The following CACNG7 variants were observed in gnomAD, a reference collection of about 807,000 sequenced individuals.
CACNG7 encodes voltage-dependent calcium channel gamma-7 subunit.
CACNG7 carries 9 observed loss-of-function variants against 26.3 expected under a neutral mutation model. The observed-to-expected ratio is 0.34, with a 90% confidence interval of 0.21 to 0.60. The LOEUF is 0.60. CACNG7 is among the 20% of genes least tolerant of loss of function. CACNG7 has a pLI of 0.81. For synonymous variants in CACNG7, 170 were observed against 157.0 expected (o/e 1.08, Z -0.62); for missense variants, 297 against 380.4 (o/e 0.78, Z 1.82).
chr19:53,913,301 A>G (rs2068872425), intron 2 of CACNG7, among the ~76,000 whole-genome samples: 1 of 151,802 alleles, frequency 6.6e-6, no homozygotes, highest in Non-Finnish European at 1.5e-5. Flanking sequence ...GCACAATTTC[A>G]GTGCTGAATG....
At chr19:53,921,830 T>TCTGGTCATTGGTGGAGTTGCCCCAGG (rs2068958412) in intron 4 of CACNG7, among the ~76,000 whole-genome samples, 1 of 83,478 alleles carries the variant, frequency 1.2e-5, no homozygotes, top group East Asian at 3.1e-4. Context: ...TTGCCCCAGG[T>TCTGGTCATTGGTGGAGTTGCCCCAGG]CTGGTCATTG....
intron 2 of CACNG7, among the ~76,000 whole-genome samples, chr19:53,913,350 G>T (rs898882601): frequency 1.3e-5 from 2 of 151,942 alleles, no homozygotes; most frequent in Non-Finnish European, 2.9e-5. Flanking sequence ...GGACGGGCGC[G>T]GTGGCTCATG....
chr19:53,931,738 A>C (rs983175086), intron 4 of CACNG7, among the ~76,000 whole-genome samples: 2 of 134,150 alleles, frequency 1.5e-5, no homozygotes, highest in African/African-American at 2.8e-5. Context: ...TTCCACTACT[A>C]TTTGTTTTTA....
chr19:53,926,043 G>A (rs2069028566), intron 4 of CACNG7, among the ~76,000 whole-genome samples: 1 of 152,168 alleles, frequency 6.6e-6, no homozygotes, highest in Admixed American at 6.5e-5. Flanking sequence ...TCAATCTTCA[G>A]ATGTCCTGTA....
intron 2 of CACNG7, 49 bp from the exon 3 acceptor site, chr19:53,914,451 A>C: frequency 9.0e-6 from 14 of 1,549,868 alleles, no homozygotes; most frequent in Middle Eastern, 1.7e-4. Context: ...CAGCCTCTCT[A>C]GAGCTTAGGA....
In CACNG7 at chr19:53,915,422, C is replaced by G. The variant is rs768633291; in HGVS notation, c.341C>G (p.Ala114Gly). ...GTCAGCCTCTTCCTCGTGTTCACGG[C>G]CTTCGTCATCAGCAACATCGGCCAC... ...PMVSLFLVFT[A>G]FVISNIGHIR... Residue 114 changes from alanine (A) to glycine (G), a missense_variant, in exon 4 of 6, where the codon GCC becomes GGC. Transcript: ENST00000391767. The G allele has an allele frequency of 1.9e-6, 3 of 1,614,092 alleles. No homozygotes were observed. The highest frequency in any genetic ancestry group is 2.5e-6 in the Non-Finnish European group (3 of 1,180,020).
Position 53,942,313 on chromosome 19 carries a change from C to T in CACNG7, c.*20C>T. On this transcript the variant is annotated 3_prime_UTR_variant, in exon 6 of 6. Coordinates refer to ENST00000391767, the MANE Select transcript of CACNG7 (RefSeq NM_031896.5). The surrounding 1 kb of genome is among the most constrained non-coding windows in gnomAD (Gnocchi z 5.9). ...TGCTGAGGCCCGCCCCTCGGAGCTC[C>T]CCCTGCCTCCTCCTCCTCCTCGTCT... is the stretch of plus-strand genomic sequence containing the variant. The T allele has an allele frequency of 1.3e-6, 2 of 1,586,578 alleles. No individual in the cohort carries two copies. The highest frequency in any genetic ancestry group is 1.1e-5 in the South Asian group (1 of 89,710).
chr19:53,932,251 CT>C (rs2069077969), intron 4 of CACNG7, among the ~76,000 whole-genome samples: 1 of 82,634 alleles, frequency 1.2e-5, no homozygotes, highest in Middle Eastern at 9.6e-3. Flanking sequence ...AAGGCCCTGT[CT>C]AAAAAAAAAA....
At position 53,919,016 on chromosome 19, in the gene CACNG7, C is replaced by T. The variant is rs1052118189; in HGVS notation, c.424+3511C>T. 7.2e-5 allele frequency among the ~76,000 whole-genome samples: 11 copies of T among 152,146 alleles called. No homozygotes were observed. The East Asian group carries it at 1.3e-3, about 19-fold the overall frequency. ...AACTCTCGACCTCAGGTGATCCGCC[C>T]GCCTCGGCCTCCCGAAGTGCTGGAA... On this transcript the variant is annotated intron_variant, in intron 4 of 5. Coordinates refer to ENST00000391767, the MANE Select transcript of CACNG7 (RefSeq NM_031896.5).
At position 53,912,862 on chromosome 19, in the gene CACNG7, C is replaced by A; in HGVS notation, c.31C>A (p.Leu11Met). The A allele has an allele frequency of 6.2e-7, 1 of 1,613,706 alleles. No individual in the cohort carries two copies. Among genetic ancestry groups the A allele is most frequent in the Non-Finnish European group, 8.5e-7 (1 of 1,180,026 alleles). MSHCSSRALT[L>M]LSSVFGACGL... ...TCACTGCAGCAGCCGCGCCCTGACC[C>A]TGCTGAGCAGCGTGTTTGGTGCGTG... is the stretch of plus-strand genomic sequence containing the variant. Residue 11 changes from leucine (L) to methionine (M), a missense_variant, in exon 2 of 6, where the codon CTG (leucine) becomes ATG (methionine). By Grantham distance (15) the Leu-to-Met change is conservative. Coordinates refer to ENST00000391767, the MANE Select transcript of CACNG7 (RefSeq NM_031896.5). The surrounding 1 kb of genome is among the most constrained non-coding windows in gnomAD (Gnocchi z 4.6).
intron 4 of CACNG7, among the ~76,000 whole-genome samples, chr19:53,922,765 GGTTGTCCCAGGCTCGTCATTGGTGGA>G (rs2068973052): frequency 4.8e-5 from 2 of 41,582 alleles, no homozygotes; most frequent in Non-Finnish European, 7.8e-5. Context: ...TCATTGGTGG[GGTTGTCCCAGGCTCGTCATTGGTGGA>G]GTTGCCCCAG....
intron 4 of CACNG7, among the ~76,000 whole-genome samples, chr19:53,921,453 T>C (rs1180090609): frequency 1.1e-4 from 15 of 140,382 alleles, no homozygotes; most frequent in Admixed American, 2.2e-4. Context: ...TTGCCCCAGG[T>C]CTGGTATTGC....
At chr19:53,914,421 A>G in intron 2 of CACNG7, 79 bp from the exon 3 acceptor site, 1 of 1,202,128 alleles carries the variant, frequency 8.3e-7, no homozygotes, top group Non-Finnish European at 1.2e-6. Context: ...TCTCCCCTCT[A>G]TCTGTCCTGC....
chr19:53,920,323 G>T (rs187937744), intron 4 of CACNG7, among the ~76,000 whole-genome samples: 767 of 110,732 alleles, frequency 6.9e-3, no homozygotes, highest in Non-Finnish European at 9.3e-3. Context: ...TGGTGGAGTT[G>T]CCCCAGGTCT....
chr19:53,928,637 C>G (rs1012495671), intron 4 of CACNG7, among the ~76,000 whole-genome samples: 4 of 151,990 alleles, frequency 2.6e-5, no homozygotes, highest in Middle Eastern at 3.2e-3. Context: ...TTGGAGTGAA[C>G]TATGAGGCAG....
intron 1 of CACNG7, among the ~76,000 whole-genome samples, chr19:53,910,048 A>G (rs1186369569): frequency 6.6e-6 from 1 of 152,064 alleles, no homozygotes; most frequent in Non-Finnish European, 1.5e-5. Flanking sequence ...CTGGAGGAAT[A>G]AGGAGATCTG....
At chr19:53,917,585 G>A (rs768997470) in intron 4 of CACNG7, among the ~76,000 whole-genome samples, 5 of 152,174 alleles carry the variant, frequency 3.3e-5, no homozygotes, top group African/African-American at 7.2e-5. Context: ...CAACCTCCGT[G>A]CAAACTTGAA....
intron 4 of CACNG7, among the ~76,000 whole-genome samples, chr19:53,922,895 T>G: frequency 1.4e-5 from 1 of 73,300 alleles, no homozygotes; most frequent in Non-Finnish European, 2.3e-5. Flanking sequence ...TGGTCATTGG[T>G]GGAGTTGCCC....
chr19:53,921,790 A>G (rs1201237464), intron 4 of CACNG7, among the ~76,000 whole-genome samples: 1 of 68,664 alleles, frequency 1.5e-5, no homozygotes, highest in Non-Finnish European at 2.5e-5. Context: ...TCATTGGTGG[A>G]GTTGTCCCCA....
Sources: allele counts gnomAD v4.1 joint callset (sites outside exome capture counted in the v4.1 genomes callset), GRCh38; gene constraint gnomAD v4.1.1; non-coding constraint Gnocchi (gnomAD v3.1); transcripts MANE v1.5; gene names NCBI Gene and HGNC (gene_info 2026-07-23, HGNC 2026-07-21).